The following NEGR1 variants were observed in gnomAD, a reference collection of about 807,000 sequenced individuals.
NEGR1 encodes IgLON family member 4.
A neutral mutation model predicts 40.9 loss-of-function variants in NEGR1; 10 were observed. The observed-to-expected ratio is 0.24, with a 90% CI of 0.15 to 0.42. The LOEUF is 0.42. Ranked by LOEUF, NEGR1 falls within the 10% of genes least tolerant of loss-of-function variation. The probability of loss-of-function intolerance (pLI) is 1.00; values close to 1 mark genes in which losing one functional copy is unlikely to be tolerated. For synonymous variants in NEGR1, 185 were observed against 166.8 expected, an observed-to-expected ratio of 1.11 and a Z score of -0.84; for missense variants, 352 against 438.9, an observed-to-expected ratio of 0.80 and a Z score of 1.77.
At chr1:71,695,343 T>C (rs1653441926) in intron 4 of NEGR1, among the ~76,000 whole-genome samples, 1 of 151,732 alleles carries the variant, frequency 6.6e-6, no homozygotes, top group Admixed American at 6.6e-5. Flanking sequence ...AAACTGATTG[T>C]TTAAATCATT....
At chr1:72,156,237 T>C (rs748109358) in intron 1 of NEGR1, among the ~76,000 whole-genome samples, 19 of 152,288 alleles carry the variant, frequency 1.2e-4, no homozygotes, top group Admixed American at 2.0e-4. Flanking sequence ...TGTACTATTA[T>C]GAATAATCCT....
chr1:71,413,234 ACTCC>A (rs1371882353), intron 6 of NEGR1, among the ~76,000 whole-genome samples: 2 of 151,960 alleles, frequency 1.3e-5, no homozygotes. Context: ...AAGCATAAAC[ACTCC>A]CTCAAGGATG....
At chr1:72,261,557 A>G (rs2100545810) in intron 1 of NEGR1, among the ~76,000 whole-genome samples, 1 of 152,202 alleles carries the variant, frequency 6.6e-6, no homozygotes, top group Admixed American at 6.6e-5. Context: ...AATGTTTATA[A>G]AACTTTTTTT....
At chr1:71,737,046 C>T (rs1478823251) in intron 3 of NEGR1, among the ~76,000 whole-genome samples, 1 of 152,126 alleles carries the variant, frequency 6.6e-6, no homozygotes, top group Non-Finnish European at 1.5e-5. Flanking sequence ...GAGAAGAAAT[C>T]AGAAACCATT....
intron 3 of NEGR1, chr1:71,738,169 G>A (rs1655098761): frequency 6.2e-6 from 1 of 161,324 alleles, no homozygotes; most frequent in Non-Finnish European, 1.4e-5. Context: ...TCTATTTTCA[G>A]TTACTAAAAA....
intron 4 of NEGR1, among the ~76,000 whole-genome samples, chr1:71,613,621 C>T (rs971021743): frequency 3.3e-5 from 5 of 149,958 alleles, no homozygotes; most frequent in Admixed American, 6.7e-5. Flanking sequence ...TGCCATTGCA[C>T]TTCAGCCTGG....
chr1:71,967,271 A>G (rs1490539491), intron 1 of NEGR1, among the ~76,000 whole-genome samples: 1 of 152,210 alleles, frequency 6.6e-6, no homozygotes, highest in Non-Finnish European at 1.5e-5. Context: ...TAAATGGATT[A>G]TGACGGTGGG....
At chr1:72,162,937 A>T (rs1651631168) in intron 1 of NEGR1, among the ~76,000 whole-genome samples, 1 of 152,156 alleles carries the variant, frequency 6.6e-6, no homozygotes, top group Non-Finnish European at 1.5e-5. Flanking sequence ...TGCAAGAGAT[A>T]CAGTTTCGTT....
At chr1:72,134,318 G>A (rs1650367774) in intron 1 of NEGR1, among the ~76,000 whole-genome samples, 1 of 150,640 alleles carries the variant, frequency 6.6e-6, no homozygotes, top group African/African-American at 2.4e-5. Flanking sequence ...CCATTCTCCT[G>A]CCTTAGCCTC....
At chr1:72,143,866 C>A (rs1475211192) in intron 1 of NEGR1, among the ~76,000 whole-genome samples, 7 of 135,948 alleles carry the variant, frequency 5.1e-5, no homozygotes, top group South Asian at 4.6e-4. Context: ...CTAAATATAT[C>A]ATATATATCA....
At chr1:71,445,408 C>A in intron 6 of NEGR1, among the ~76,000 whole-genome samples, 1 of 149,528 alleles carries the variant, frequency 6.7e-6, no homozygotes, top group Non-Finnish European at 1.5e-5. Context: ...CTATGGAGCC[C>A]TAGAGATTAA....
chr1:72,143,811 G>A (rs1650774369), intron 1 of NEGR1, among the ~76,000 whole-genome samples: 1 of 146,700 alleles, frequency 6.8e-6, no homozygotes, highest in African/African-American at 2.5e-5. Context: ...AAATTGAGCT[G>A]TGTCTTCAAT....
chr1:71,938,978 T>C (rs1184864256), intron 1 of NEGR1, among the ~76,000 whole-genome samples: 1 of 152,112 alleles, frequency 6.6e-6, no homozygotes, highest in Non-Finnish European at 1.5e-5. Flanking sequence ...ATTTAATTCA[T>C]AAGAAAATTT....
At chr1:72,269,777 G>C (rs1431946986) in intron 1 of NEGR1, among the ~76,000 whole-genome samples, 1 of 150,964 alleles carries the variant, frequency 6.6e-6, no homozygotes, top group African/African-American at 2.4e-5. Flanking sequence ...ATCTATAGTA[G>C]TTTTAAAAAT....
chr1:71,980,052 A>G (rs1183163772), intron 1 of NEGR1, among the ~76,000 whole-genome samples: 2 of 152,172 alleles, frequency 1.3e-5, no homozygotes, highest in African/African-American at 2.4e-5. Context: ...ATGATAAAAA[A>G]GAGTTCCTGC....
At chr1:71,512,761 T>A (rs1456890951) in intron 6 of NEGR1, among the ~76,000 whole-genome samples, 1 of 152,030 alleles carries the variant, frequency 6.6e-6, no homozygotes, top group Non-Finnish European at 1.5e-5. Context: ...TTTGCATTTT[T>A]AGTAGAGACA....
chr1:71,879,528 T>C (rs1399315097), intron 2 of NEGR1, among the ~76,000 whole-genome samples: 4 of 152,152 alleles, frequency 2.6e-5, no homozygotes, highest in Non-Finnish European at 4.4e-5. Flanking sequence ...CTACTGATAA[T>C]TTAGGTGGAA....
chr1:72,160,506 T>G (rs1315864055), intron 1 of NEGR1, among the ~76,000 whole-genome samples: 1 of 152,142 alleles, frequency 6.6e-6, no homozygotes, highest in Non-Finnish European at 1.5e-5. Flanking sequence ...AACTAAAAAG[T>G]CAATTTTCAA....
intron 6 of NEGR1, among the ~76,000 whole-genome samples, chr1:71,536,638 G>C (rs951549166): frequency 2.6e-5 from 4 of 151,656 alleles, no homozygotes; most frequent in African/African-American, 4.8e-5. Flanking sequence ...GAGTCATACT[G>C]GTTGCTAGAA....
Sources: allele counts gnomAD v4.1 joint callset (sites outside exome capture counted in the v4.1 genomes callset), GRCh38; gene constraint gnomAD v4.1.1; transcripts MANE v1.5; gene names NCBI Gene and HGNC (gene_info 2026-07-23, HGNC 2026-07-21).